The following GK5 variants were observed in gnomAD, a reference collection of about 807,000 sequenced individuals.
The protein encoded by GK5 is glycerol kinase 5.
A neutral mutation model predicts 77.3 loss-of-function variants in GK5; 39 were observed. The ratio of observed to expected loss-of-function variants is 0.50; its 90% CI spans 0.39 to 0.66. The LOEUF (loss-of-function observed/expected upper bound fraction) is 0.66. GK5 is among the 30% of genes least tolerant of loss of function. The probability of loss-of-function intolerance (pLI) is 0.00; values close to 1 mark genes in which losing one functional copy is unlikely to be tolerated. For synonymous variants in GK5, 211 were observed against 208.0 expected, an observed-to-expected ratio of 1.01 and a Z score of -0.13; for missense variants, 487 against 633.8, an observed-to-expected ratio of 0.77 and a Z score of 2.49.
In GK5 at chr3:142,165,519, A is replaced by T. The variant is rs936664884; in HGVS notation, c.*103T>A. 1 of 781,424 alleles carries T rather than the reference A, an allele frequency of 1.3e-6. No individual in the cohort carries two copies. The highest frequency in any genetic ancestry group is 1.9e-6 in the Non-Finnish European group (1 of 527,540). The allele number at this position is 781,424 out of a possible 1,614,324, so 48.4% of individuals were successfully genotyped here. A position where few individuals can be genotyped will look rare whatever the true frequency, so the allele number is the denominator to read the frequency against. ...TCTTAAGTTATGAAGCTTATTTAAAATTTTCTCCTCTTAGTCATTGTCATA... is the reference window on the plus strand; with the variant it reads ...TCTTAAGTTATGAAGCTTATTTAAATTTTTCTCCTCTTAGTCATTGTCATA... On this transcript the variant is annotated 3_prime_UTR_variant, in exon 16 of 16. Coordinates refer to ENST00000392993, the MANE Select transcript of GK5 (RefSeq NM_001039547.3).
chr3:142,182,873 G>A, intron 10 of GK5, 50 bp downstream of exon 10: 4 of 1,337,604 alleles, frequency 3.0e-6, no homozygotes, highest in Non-Finnish European at 4.3e-6. Flanking sequence ...AGTTAAATAT[G>A]AACAGAAGTG....
At chr3:142,225,029 C>T (rs1283088199) in intron 1 of GK5, among the ~76,000 whole-genome samples, 1 of 152,186 alleles carries the variant, frequency 6.6e-6, no homozygotes, top group East Asian at 1.9e-4. Context: ...CAGGTGGCTC[C>T]CCAGGTGGCA....
rs1334536924 is a variant in GK5, at chr3:142,165,627, T to G, written c.1585A>C (p.Thr529Pro). 6.2e-7 allele frequency: 1 copy of G among 1,609,280 alleles called. No homozygotes were observed. The highest frequency in any genetic ancestry group is 8.5e-7 in the Non-Finnish European group (1 of 1,178,510). ...VKRSMNWYNKT is the reference protein window; with the variant it reads ...VKRSMNWYNKP ...TTTGATCATTTCATTTAGTGTTATG[T>G]CTTGTTATACCAATTCATGGAGCGT... The change falls in exon 16 of 16, where the codon ACA becomes CCA. Residue 529 changes from threonine to proline, a missense_variant. Around this residue, in one of 4 missense-constraint regions of GK5, gnomAD observed 65 missense variants for 89.9 expected, o/e 0.72. Transcript: ENST00000392993.
At chr3:142,193,679 A>T (rs2063887420) in intron 5 of GK5, among the ~76,000 whole-genome samples, 1 of 152,168 alleles carries the variant, frequency 6.6e-6, no homozygotes, top group Non-Finnish European at 1.5e-5. Context: ...TATATTTTGT[A>T]GTTAAGCTTA....
chr3:142,173,635 G>C (rs1455991538), intron 12 of GK5, among the ~76,000 whole-genome samples: 1 of 152,188 alleles, frequency 6.6e-6, no homozygotes, highest in Non-Finnish European at 1.5e-5. Flanking sequence ...AGCGAGCGGA[G>C]ATGGCGCCAC....
In GK5 at chr3:142,225,218, G is replaced by A. The variant is rs2064410683; in HGVS notation, c.147+91C>T. 4 of 1,350,938 alleles carry A rather than the reference G, an allele frequency of 3.0e-6. No homozygotes were observed. The Admixed American group carries it at 9.4e-5, about 32-fold the overall frequency. 83.7% of individuals were successfully genotyped at this position (1,350,938 alleles called of 1,614,324 possible). A position where few individuals can be genotyped will look rare whatever the true frequency, so the allele number is the denominator to read the frequency against. On this transcript the variant is annotated intron_variant, in intron 1 of 15. Transcript: ENST00000392993. ...GCAGGTGGCCGCGTCCAGGGCGGTA[G>A]GTGGGGCCTGCCCGCTCGCCTCCCG...
rs1011067074 is a variant in GK5, at chr3:142,166,778, G to A, written c.1442-1008C>T. On this transcript the variant is annotated intron_variant, in intron 15 of 15. Coordinates refer to ENST00000392993, the MANE Select transcript of GK5 (RefSeq NM_001039547.3). ...TCAAACTCCTGGCCTCAAATGATCCGCCCTCCTCAGCCCCGCAAAGTGTTG... is the reference window on the plus strand; with the variant it reads ...TCAAACTCCTGGCCTCAAATGATCCACCCTCCTCAGCCCCGCAAAGTGTTG... 5.9e-5 allele frequency among the ~76,000 whole-genome samples: 9 copies of A among 152,072 alleles called. No individual in the cohort carries two copies. The South Asian group carries it at 6.2e-4, about 11-fold the overall frequency.
At chr3:142,185,720 T>C (rs368727754) in intron 9 of GK5, 31 of 1,515,334 alleles carry the variant, frequency 2.0e-5, no homozygotes, top group Non-Finnish European at 2.6e-5. Flanking sequence ...AGTACTTCCA[T>C]GATAGAATAC....
intron 12 of GK5, among the ~76,000 whole-genome samples, chr3:142,173,431 C>T (rs747584471): frequency 2.0e-5 from 3 of 152,104 alleles, no homozygotes; most frequent in Non-Finnish European, 4.4e-5. Flanking sequence ...CACCTGTAAT[C>T]CTAGCACTTT....
chr3:142,176,925 T>C (rs2063621257), intron 12 of GK5, among the ~76,000 whole-genome samples: 1 of 152,260 alleles, frequency 6.6e-6, no homozygotes, highest in East Asian at 1.9e-4. Context: ...CCTCCCAAAG[T>C]GCTGGGATTA....
At chr3:142,192,673 A>G (rs1490642379) in intron 5 of GK5, among the ~76,000 whole-genome samples, 1 of 151,834 alleles carries the variant, frequency 6.6e-6, no homozygotes, top group African/African-American at 2.4e-5. Context: ...CTGAAGCAGG[A>G]GAATTGCTTG....
intron 5 of GK5, among the ~76,000 whole-genome samples, chr3:142,191,001 A>C (rs951100560): frequency 6.6e-6 from 1 of 152,206 alleles, no homozygotes; most frequent in African/African-American, 2.4e-5. Flanking sequence ...GTCAATTCAC[A>C]AAAAGTAACT....
At chr3:142,215,713 T>C (rs1165300188) in intron 1 of GK5, 21 bp from the exon 2 acceptor site, 2 of 1,256,240 alleles carry the variant, frequency 1.6e-6, no homozygotes, top group African/African-American at 2.9e-5. Flanking sequence ...AAAGAAGATT[T>C]AGTAAAAACA....
At chr3:142,199,907 C>T (rs941468639) in intron 4 of GK5, among the ~76,000 whole-genome samples, 5 of 151,884 alleles carry the variant, frequency 3.3e-5, no homozygotes, top group African/African-American at 1.2e-4. Context: ...TTAATCCTAC[C>T]TCACTCCCTA....
At chr3:142,183,984 C>A (rs1334224993) in intron 9 of GK5, among the ~76,000 whole-genome samples, 2 of 151,692 alleles carry the variant, frequency 1.3e-5, no homozygotes, top group African/African-American at 4.8e-5. Context: ...AGAGGCCAGG[C>A]GCGGTGACTC....
chr3:142,191,065 CAG>C (rs1220866115), intron 5 of GK5, among the ~76,000 whole-genome samples: 1 of 151,102 alleles, frequency 6.6e-6, no homozygotes. Flanking sequence ...TTTTTTGAGA[CAG>C]AGTCTGGCCA....
Position 142,161,837 on chromosome 3 carries a change from C to T in GK5, c.*3785G>A, listed in dbSNP as rs2063428155. The T allele has an allele frequency of 1.3e-5, 2 of 152,162 alleles. No homozygotes were observed. The allele number at this position is 152,162 out of a possible 1,614,324, so 9.4% of individuals were successfully genotyped here. ...TGATTGAGACAGGGTCTCACTTTGC[C>T]ACCCAGGCTAGAGTACAGTGACACC... On this transcript the variant is annotated 3_prime_UTR_variant, in exon 16 of 16. Coordinates refer to ENST00000392993, the MANE Select transcript of GK5 (RefSeq NM_001039547.3).
intron 1 of GK5, among the ~76,000 whole-genome samples, chr3:142,222,604 T>C (rs2107801951): frequency 6.6e-6 from 1 of 152,228 alleles, no homozygotes; most frequent in East Asian, 1.9e-4. Context: ...CCAGCAATTT[T>C]TAAGATACAA....
At chr3:142,212,867 G>T (rs539818063) in intron 3 of GK5, among the ~76,000 whole-genome samples, 24 of 127,306 alleles carry the variant, frequency 1.9e-4, no homozygotes, top group African/African-American at 6.8e-4. Context: ...ACGGAGTCTC[G>T]CTGTCGCCCA....
Sources: gnomAD v4.1 joint callset for allele counts (sites outside exome capture counted in the v4.1 genomes callset) on GRCh38, gnomAD v4.1.1 for gene constraint, gnomAD v4.1.1 regional missense constraint, MANE v1.5 for transcripts, NCBI Gene and HGNC (gene_info 2026-07-23, HGNC 2026-07-21) for gene names.